Variants in URB1 observed in about 807,000 individuals in gnomAD.
URB1 encodes nucleolar pre-ribosomal-associated protein 1.
Under a neutral mutation model 242.3 loss-of-function variants are expected in URB1, and 197 were observed. The ratio of observed to expected loss-of-function variants is 0.81; its 90% CI spans 0.72 to 0.91. URB1 has a LOEUF of 0.91. URB1 is among the 40% of genes least tolerant of loss of function. The probability of loss-of-function intolerance (pLI) is 0.00; values close to 1 mark genes in which losing one functional copy is unlikely to be tolerated. For missense variants in URB1, 2,721 were observed against 2,860.5 expected, an observed-to-expected ratio of 0.95 and a Z score of 1.11; for synonymous variants, 1,153 against 1,201.8, an observed-to-expected ratio of 0.96 and a Z score of 0.84.
Position 32,315,078 on chromosome 21 carries a change from G to C in URB1, c.6656C>G (p.Ser2219Cys). 1 of 1,540,626 alleles carries C rather than the reference G, an allele frequency of 6.5e-7. No individual in the cohort carries two copies. The highest frequency in any genetic ancestry group is 2.5e-5 in the East Asian group (1 of 40,618). Reference sequence around the variant, plus strand: ...CAGCCAGATGTCCTTTATGTAGAGAGACACTAGGAATGCTGCGGAGGCTGA... The same window carrying C: ...CAGCCAGATGTCCTTTATGTAGAGACACACTAGGAATGCTGCGGAGGCTGA... ...ATQASAAFLV[S>C]LYIKDIWLGA... Residue 2219 changes from serine (S) to cysteine (C), a missense_variant, in exon 39 of 39, where the codon TCT (serine) becomes TGT (cysteine). Physicochemically the swap from Ser to Cys is moderately radical, Grantham distance 112. Transcript: ENST00000382751.
intron 5 of URB1, among the ~76,000 whole-genome samples, chr21:32,376,483 C>T (rs1446151157): frequency 2.6e-5 from 4 of 152,014 alleles, no homozygotes; most frequent in Non-Finnish European, 4.4e-5. Context: ...GCTTCAGTAC[C>T]GAGAAGTTAA....
At chr21:32,340,858 T>G (rs181315105) in intron 25 of URB1, among the ~76,000 whole-genome samples, 1 of 152,230 alleles carries the variant, frequency 6.6e-6, no homozygotes, top group East Asian at 1.9e-4. Context: ...CATTTGTCAG[T>G]AGAGGACTGG....
Position 32,365,779 on chromosome 21 carries a change from T to C in URB1, c.1335+839A>G, listed in dbSNP as rs920180506. On this transcript the variant is annotated intron_variant, in intron 10 of 38. Coordinates refer to ENST00000382751, the MANE Select transcript of URB1 (RefSeq NM_014825.3). ...GTGGTCTCAGGAGTCCACCCCACTT[T>C]ACAGTGACTGTGCGCATTACCACAG... Among the ~76,000 whole-genome samples, 5 of 152,202 alleles carry C rather than the reference T, an allele frequency of 3.3e-5. No homozygotes were observed. The East Asian group carries it at 9.7e-4, about 29-fold the overall frequency.
intron 1 of URB1, among the ~76,000 whole-genome samples, chr21:32,388,132 A>G (rs1043760363): frequency 4.6e-5 from 7 of 152,194 alleles, no homozygotes; most frequent in African/African-American, 1.7e-4. Context: ...AACATACCAG[A>G]AAAGAACAAA....
rs1001041847 is a variant in URB1, at chr21:32,384,228, G to A, written c.434+85C>T. The A allele has an allele frequency of 1.3e-5, 19 of 1,460,260 alleles. No homozygotes were observed. In the African/African-American group the frequency reaches 2.1e-4, roughly 16 times the overall value. The allele number at this position is 1,460,260 out of a possible 1,614,324, so 90.5% of individuals were successfully genotyped here. ...GCTCAGCTCTCCTCTAGCCATAAAG[G>A]TACTGACCAAATGCACCTGCGGAGA... On this transcript the variant is annotated intron_variant, in intron 3 of 38. Transcript: ENST00000382751.
chr21:32,356,349 A>G (rs958360443), intron 15 of URB1, among the ~76,000 whole-genome samples: 1 of 152,216 alleles, frequency 6.6e-6, no homozygotes, highest in African/African-American at 2.4e-5. Context: ...CCGTGATTGT[A>G]GCAGTGCACA....
At chr21:32,329,655 T>A (rs1311986675) in intron 30 of URB1, among the ~76,000 whole-genome samples, 3 of 152,174 alleles carry the variant, frequency 2.0e-5, no homozygotes, top group Non-Finnish European at 2.9e-5. Context: ...GAAAATAGGT[T>A]CCCATTTCCA....
At chr21:32,370,711 C>A (rs1221074773) in intron 8 of URB1, among the ~76,000 whole-genome samples, 1 of 152,220 alleles carries the variant, frequency 6.6e-6, no homozygotes, top group African/African-American at 2.4e-5. Context: ...CAAAGTAGGG[C>A]CCAGCACCTA....
At chr21:32,350,968 A>G in intron 19 of URB1, 46 bp from the exon 20 acceptor site, 1 of 1,516,384 alleles carries the variant, frequency 6.6e-7, no homozygotes, top group South Asian at 1.2e-5. Context: ...ACACATCACC[A>G]CAGATGAAAA....
At chr21:32,356,379 G>A (rs4817486) in intron 15 of URB1, among the ~76,000 whole-genome samples, 12,550 of 152,156 alleles carry the variant, frequency 0.082, 915 homozygotes, top group African/African-American at 0.16. Context: ...ATGACAGAGC[G>A]AGAGCCTGTC....
intron 28 of URB1, among the ~76,000 whole-genome samples, chr21:32,334,916 A>G (rs1364123362): frequency 6.6e-6 from 1 of 152,142 alleles, no homozygotes; most frequent in Non-Finnish European, 1.5e-5. Context: ...AACCGCCACC[A>G]CAGCTGTCAG....
intron 20 of URB1, 130 bp from the exon 21 acceptor site, chr21:32,349,613 AGT>A (rs746275731): frequency 6.3e-5 from 54 of 859,946 alleles, no homozygotes; most frequent in Non-Finnish European, 8.6e-5. Context: ...CTCCTCACAG[AGT>A]GTGTGAGACA....
chr21:32,314,325 C>T lies in URB1; in HGVS notation c.*593G>A. ...TTAGCCTCCCGAGTAGCTGGAATTA[C>T]AGGTGTGCGCTACCATGCCTGGCTA... On this transcript the variant is annotated 3_prime_UTR_variant, in exon 39 of 39. Coordinates refer to ENST00000382751, the MANE Select transcript of URB1 (RefSeq NM_014825.3). The T allele has an allele frequency of 2.3e-6, 1 of 441,972 alleles. No individual in the cohort carries two copies. The allele number at this position is 441,972 out of a possible 1,614,324, so 27.4% of individuals were successfully genotyped here.
intron 21 of URB1, among the ~76,000 whole-genome samples, chr21:32,348,579 C>G (rs993773899): frequency 2.0e-5 from 3 of 152,220 alleles, no homozygotes; most frequent in African/African-American, 7.2e-5. Context: ...GACACTCCAC[C>G]AGTTCCCAGA....
At chr21:32,352,169 T>C (rs2033165482) in intron 19 of URB1, among the ~76,000 whole-genome samples, 1 of 152,150 alleles carries the variant, frequency 6.6e-6, no homozygotes, top group Admixed American at 6.5e-5. Context: ...ATACCACAAA[T>C]TTCGTGCCCC....
At chr21:32,349,020 C>A (rs1601137809) in intron 21 of URB1, among the ~76,000 whole-genome samples, 2 of 152,358 alleles carry the variant, frequency 1.3e-5, no homozygotes, top group East Asian at 3.9e-4. Flanking sequence ...TCACTCAACA[C>A]AAGCTGCAGC....
Position 32,337,437 on chromosome 21 carries a change from G to A in URB1, c.4588C>T (p.Leu1530Phe). 1 of 1,551,628 alleles carries A rather than the reference G, an allele frequency of 6.4e-7. No homozygotes were observed. The highest frequency in any genetic ancestry group is 8.7e-7 in the Non-Finnish European group (1 of 1,146,980). The change falls in exon 27 of 39, where the codon CTC becomes TTC. Residue 1530 changes from leucine to phenylalanine, a missense_variant. By Grantham distance (22) the Leu-to-Phe change is conservative. Coordinates refer to ENST00000382751, the MANE Select transcript of URB1 (RefSeq NM_014825.3). ...VCESSHFAVL[L>F]GAYGATLSVL... ...CTGAGAGTGGCGCCATAGGCCCCGAGAAGCACTGCAAAGTGGCTGCTCTCA... is the reference window on the plus strand; with the variant it reads ...CTGAGAGTGGCGCCATAGGCCCCGAAAAGCACTGCAAAGTGGCTGCTCTCA...
rs55687674 is a variant in URB1, at chr21:32,314,685, G to T, written c.*233C>A. 14 of 1,597,824 alleles carry T rather than the reference G, an allele frequency of 8.8e-6. No homozygotes were observed. In the South Asian group the frequency reaches 1.5e-4, roughly 18 times the overall value. On this transcript the variant is annotated 3_prime_UTR_variant, in exon 39 of 39. Coordinates refer to ENST00000382751, the MANE Select transcript of URB1 (RefSeq NM_014825.3). ...ACTGGATGGGCCTCATGGCCTAGAA[G>T]TCCCCACATTCCTTGCAACTCTGAT...
rs564739369 is a variant in URB1, at chr21:32,329,650, T to C, written c.4960+3667A>G. Among the ~76,000 whole-genome samples the C allele has an allele frequency of 1.2e-4, 18 of 152,204 alleles. No individual in the cohort carries two copies. In the East Asian group the frequency reaches 3.5e-3, roughly 29 times the overall value. On this transcript the variant is annotated intron_variant, in intron 30 of 38. Coordinates refer to ENST00000382751, the MANE Select transcript of URB1 (RefSeq NM_014825.3). ...AAGGGAAGGAATAAGGTTAAGAAAA[T>C]AGGTTCCCATTTCCAGCAAAGGGCT...
Sources: gnomAD v4.1 joint callset for allele counts (sites outside exome capture counted in the v4.1 genomes callset) on GRCh38, gnomAD v4.1.1 for gene constraint, MANE v1.5 for transcripts, NCBI Gene and HGNC (gene_info 2026-07-23, HGNC 2026-07-21) for gene names.